ZMAT4: variants seen among roughly 807,000 people sequenced by gnomAD.
ZMAT4 encodes the protein zinc finger matrin-type protein 4.
ZMAT4 carries 17 observed loss-of-function variants against 28.7 expected under a neutral mutation model. The observed-to-expected ratio is 0.59, with a 90% CI of 0.41 to 0.89. The LOEUF is 0.89. ZMAT4 is among the 40% of genes least tolerant of loss of function. The pLI is 0.00. For missense variants in ZMAT4, 240 were observed against 283.8 expected (o/e 0.85, Z 1.11); for synonymous variants, 117 against 109.2 (o/e 1.07, Z -0.44).
At chr8:40,714,988 G>T (rs373694463) in intron 3 of ZMAT4, among the ~76,000 whole-genome samples, 1 of 145,008 alleles carries the variant, frequency 6.9e-6, no homozygotes, top group Non-Finnish European at 1.5e-5. Context: ...GTCGGAGGTT[G>T]CAGTGAGCCG....
In ZMAT4 at chr8:40,811,521, G is replaced by A. The variant is rs150740627; in HGVS notation, c.102+14054C>T. Among the ~76,000 whole-genome samples the A allele has an allele frequency of 2.6e-5, 4 of 152,288 alleles. No individual in the cohort carries two copies. The East Asian group carries it at 7.7e-4, about 29-fold the overall frequency. ...AATCGGAAGCCAACGTAGTGGATTA[G>A]CATCTAAGCTGGAGTCACTTTTGTC... On this transcript the variant is annotated intron_variant, in intron 2 of 6. Transcript: ENST00000297737.
At chr8:40,651,260 A>G (rs867082537) in intron 5 of ZMAT4, among the ~76,000 whole-genome samples, 2 of 152,152 alleles carry the variant, frequency 1.3e-5, no homozygotes, top group Admixed American at 6.5e-5. Context: ...TACAAAAATC[A>G]CAAGCATTCT....
At chr8:40,709,370 C>T (rs1025738486) in intron 3 of ZMAT4, among the ~76,000 whole-genome samples, 3 of 152,012 alleles carry the variant, frequency 2.0e-5, no homozygotes, top group Admixed American at 6.6e-5. Flanking sequence ...ATGTATACCC[C>T]TAAATGTCAA....
At chr8:40,677,436 G>A (rs1023217382) in intron 4 of ZMAT4, among the ~76,000 whole-genome samples, 2 of 152,130 alleles carry the variant, frequency 1.3e-5, no homozygotes, top group African/African-American at 4.8e-5. Context: ...GGTTGGGTGG[G>A]ACTCCACTAT....
intron 1 of ZMAT4, among the ~76,000 whole-genome samples, chr8:40,834,153 C>T (rs558436065): frequency 1.3e-5 from 2 of 152,334 alleles, no homozygotes; most frequent in African/African-American, 2.4e-5. Flanking sequence ...TCACCCCAGC[C>T]GCGGGCCGTG....
At chr8:40,685,132 G>C (rs1049543119) in intron 4 of ZMAT4, among the ~76,000 whole-genome samples, 1 of 86,018 alleles carries the variant, frequency 1.2e-5, no homozygotes, top group Non-Finnish European at 2.4e-5. Context: ...GGGAACTGCT[G>C]TTCTGAGTCA....
intron 6 of ZMAT4, among the ~76,000 whole-genome samples, chr8:40,541,211 GCTAAGTCAATTA>G (rs1440286614): frequency 1.3e-5 from 2 of 151,980 alleles, no homozygotes; most frequent in African/African-American, 4.8e-5. Flanking sequence ...TCGGTTTTAG[GCTAAGTCAATTA>G]CTAAGTTATA....
intron 6 of ZMAT4, among the ~76,000 whole-genome samples, chr8:40,556,853 C>T (rs902318380): frequency 6.6e-6 from 1 of 152,144 alleles, no homozygotes; most frequent in Admixed American, 6.5e-5. Context: ...GTCCTTTCTT[C>T]TAGCTGCTTT....
chr8:40,589,821 T>C (rs1157756416), intron 5 of ZMAT4, among the ~76,000 whole-genome samples: 5 of 142,246 alleles, frequency 3.5e-5, no homozygotes, highest in Non-Finnish European at 8.0e-5. Flanking sequence ...TTCTTTTTTA[T>C]TTCCTTCCCT....
chr8:40,640,662 T>TA (rs973026734), intron 5 of ZMAT4, among the ~76,000 whole-genome samples: 27 of 150,708 alleles, frequency 1.8e-4, no homozygotes, highest in African/African-American at 5.1e-4. Flanking sequence ...TCCCTTTACT[T>TA]AAAAAAAAAG....
intron 1 of ZMAT4, among the ~76,000 whole-genome samples, chr8:40,864,420 G>A (rs141433883): frequency 2.6e-4 from 39 of 152,342 alleles, no homozygotes; most frequent in Middle Eastern, 3.4e-3. Flanking sequence ...GGGGTGTCAC[G>A]CAAGATGGTC....
chr8:40,892,700 G>GT (rs1818738324), intron 1 of ZMAT4, among the ~76,000 whole-genome samples: 1 of 152,216 alleles, frequency 6.6e-6, no homozygotes, highest in Non-Finnish European at 1.5e-5. Context: ...GCCAAGGCCT[G>GT]TTACCTCTCT....
At chr8:40,535,018 G>A (rs1345267098) in intron 6 of ZMAT4, among the ~76,000 whole-genome samples, 2 of 152,088 alleles carry the variant, frequency 1.3e-5, no homozygotes, top group South Asian at 2.1e-4. Flanking sequence ...ATGTAACTGA[G>A]TGTTAATAGG....
intron 6 of ZMAT4, among the ~76,000 whole-genome samples, chr8:40,559,959 C>A (rs905609867): frequency 8.6e-5 from 13 of 152,024 alleles, no homozygotes; most frequent in African/African-American, 3.1e-4. Flanking sequence ...CTTCCTCAGG[C>A]AGAAACCGCA....
At chr8:40,549,112 C>T (rs1803290015) in intron 6 of ZMAT4, among the ~76,000 whole-genome samples, 2 of 152,084 alleles carry the variant, frequency 1.3e-5, no homozygotes, top group African/African-American at 4.8e-5. Flanking sequence ...AACCCTTTTG[C>T]CCCTTCTGCC....
At chr8:40,810,522 T>C (rs559336117) in intron 2 of ZMAT4, among the ~76,000 whole-genome samples, 2 of 152,296 alleles carry the variant, frequency 1.3e-5, no homozygotes, top group Admixed American at 1.3e-4. Flanking sequence ...GCTCACCACA[T>C]GGAAGAAAAT....
chr8:40,544,469 G>A (rs1290951826), intron 6 of ZMAT4, among the ~76,000 whole-genome samples: 2 of 152,190 alleles, frequency 1.3e-5, no homozygotes, highest in Non-Finnish European at 2.9e-5. Flanking sequence ...GATGAAAGGT[G>A]TGTCTTACCG....
chr8:40,837,980 T>C lies in ZMAT4; in HGVS notation c.-4-12300A>G, dbSNP rs371009924. On this transcript the variant is annotated intron_variant, in intron 1 of 6. Coordinates refer to ENST00000297737, the MANE Select transcript of ZMAT4 (RefSeq NM_024645.3). ...CCTTGCAGAATCTGCTTTGCCATCT[T>C]GTGAGGGGCAAACGGAGCAGATGGC... Among the ~76,000 whole-genome samples the C allele has an allele frequency of 4.9e-4, 75 of 152,298 alleles. 1 individual carries two copies. The South Asian group carries it at 0.014, about 29-fold the overall frequency.
chr8:40,628,606 G>A (rs1806460417), intron 5 of ZMAT4, among the ~76,000 whole-genome samples: 1 of 151,008 alleles, frequency 6.6e-6, no homozygotes, highest in African/African-American at 2.4e-5. Context: ...CTGTGGTCGA[G>A]GTGTGAAATT....
Sources: allele counts gnomAD v4.1 joint callset (sites outside exome capture counted in the v4.1 genomes callset), GRCh38; gene constraint gnomAD v4.1.1; transcripts MANE v1.5; gene names NCBI Gene and HGNC (gene_info 2026-07-23, HGNC 2026-07-21).